COL13A1: variants seen among roughly 807,000 people sequenced by gnomAD.
COL13A1 encodes the protein collagen alpha-1(XIII) chain.
Under a neutral mutation model 130.9 loss-of-function variants are expected in COL13A1, and 89 were observed. That is an observed-to-expected ratio of 0.68 (90% CI 0.57 to 0.81). The LOEUF (loss-of-function observed/expected upper bound fraction) is 0.81. COL13A1 is among the 30% of genes least tolerant of loss of function. COL13A1 has a pLI of 0.00. For synonymous variants in COL13A1, 402 were observed against 341.6 expected, an observed-to-expected ratio of 1.18 and a Z score of -1.95; for missense variants, 879 against 934.6, an observed-to-expected ratio of 0.94 and a Z score of 0.78.
chr10:69,826,871 C>A (rs1589273093), intron 2 of COL13A1, among the ~76,000 whole-genome samples: 1 of 152,064 alleles, frequency 6.6e-6, no homozygotes, highest in African/African-American at 2.4e-5. Flanking sequence ...ATGACCAACA[C>A]AAAAGGGGAA....
intron 10 of COL13A1, among the ~76,000 whole-genome samples, chr10:69,890,554 C>T (rs1006304136): frequency 3.9e-5 from 6 of 152,232 alleles, no homozygotes; most frequent in Admixed American, 6.5e-5. Context: ...TTGCTCCAAG[C>T]GCTGGTGTGA....
chr10:69,858,924 C>T (rs1857211098), intron 2 of COL13A1, among the ~76,000 whole-genome samples: 1 of 152,222 alleles, frequency 6.6e-6, no homozygotes, highest in Non-Finnish European at 1.5e-5. Context: ...CTTCTCTGCA[C>T]AGCCACAAGA....
chr10:69,868,421 C>T (rs1003964730), intron 3 of COL13A1, among the ~76,000 whole-genome samples: 4 of 152,158 alleles, frequency 2.6e-5, no homozygotes, highest in Non-Finnish European at 4.4e-5. Flanking sequence ...GCTAGGAAGC[C>T]CAGGGTGGGG....
At chr10:69,852,136 T>G (rs1855039435) in intron 2 of COL13A1, among the ~76,000 whole-genome samples, 2 of 152,164 alleles carry the variant, frequency 1.3e-5, no homozygotes, top group South Asian at 4.1e-4. Context: ...AGGTTTCGAC[T>G]CCAACACCAC....
chr10:69,810,912 C>T (rs1235503139), intron 1 of COL13A1, among the ~76,000 whole-genome samples: 1 of 152,220 alleles, frequency 6.6e-6, no homozygotes, highest in South Asian at 2.1e-4. Flanking sequence ...GGGGTGCTCT[C>T]CTGGTCCTTC....
chr10:69,889,565 C>T, intron 10 of COL13A1, 125 bp downstream of exon 10: 3 of 1,243,146 alleles, frequency 2.4e-6, no homozygotes. Flanking sequence ...GCTGGTCACT[C>T]CCCAGCTGTG....
At chr10:69,819,423 G>A (rs1266719672) in intron 1 of COL13A1, among the ~76,000 whole-genome samples, 5 of 152,166 alleles carry the variant, frequency 3.3e-5, no homozygotes, top group Non-Finnish European at 5.9e-5. Flanking sequence ...GGGGAGTGAG[G>A]GAAGCAGTTG....
chr10:69,884,318 G>A (rs1468722449), intron 7 of COL13A1, among the ~76,000 whole-genome samples: 1 of 152,156 alleles, frequency 6.6e-6, no homozygotes, highest in Non-Finnish European at 1.5e-5. Context: ...ACATTGGCAG[G>A]TGCTCTATGA....
intron 2 of COL13A1, among the ~76,000 whole-genome samples, chr10:69,826,037 A>T (rs1345108922): frequency 2.6e-5 from 4 of 152,154 alleles, no homozygotes; most frequent in Admixed American, 2.6e-4. Context: ...GCCTGGTGGG[A>T]TAGGAGAATG....
rs1406678739 is a variant in COL13A1, at chr10:69,888,475, G to A, written c.576+145G>A. 2.3e-5 allele frequency: 28 copies of A among 1,192,282 alleles called. 1 individual carries two copies. Among genetic ancestry groups the A allele is most frequent in the South Asian group, 4.4e-5 (3 of 68,758 alleles). The allele number at this position is 1,192,282 out of a possible 1,614,324, so 73.9% of individuals were successfully genotyped here. On this transcript the variant is annotated intron_variant, in intron 9 of 40. Coordinates refer to ENST00000645393, the MANE Select transcript of COL13A1 (RefSeq NM_001368882.1). Reference sequence around the variant, plus strand: ...AGGTTGTCACTAGTGGGAAGTGGAGGGGGCCATTTGAGTCACCCCTGACCC... The same window carrying A: ...AGGTTGTCACTAGTGGGAAGTGGAGAGGGCCATTTGAGTCACCCCTGACCC...
intron 38 of COL13A1, among the ~76,000 whole-genome samples, chr10:69,949,419 G>A (rs1027293219): frequency 3.3e-5 from 5 of 152,182 alleles, no homozygotes; most frequent in African/African-American, 1.2e-4. Flanking sequence ...CTGACCTCAA[G>A]TGATCCTCCT....
At chr10:69,876,532 G>C (rs759991210) in intron 5 of COL13A1, among the ~76,000 whole-genome samples, 26 of 152,196 alleles carry the variant, frequency 1.7e-4, no homozygotes, top group Non-Finnish European at 3.5e-4. Context: ...CCCACGAGAA[G>C]CTCTCCCACC....
At chr10:69,863,623 A>G (rs886434522) in intron 2 of COL13A1, among the ~76,000 whole-genome samples, 1 of 152,146 alleles carries the variant, frequency 6.6e-6, no homozygotes, top group Non-Finnish European at 1.5e-5. Context: ...TCCAGGGTCG[A>G]GGGGGAGGGG....
At chr10:69,860,948 G>A (rs539884787) in intron 2 of COL13A1, among the ~76,000 whole-genome samples, 6 of 152,312 alleles carry the variant, frequency 3.9e-5, no homozygotes, top group South Asian at 2.1e-4. Flanking sequence ...GGACTGCATC[G>A]GGAAGGAGAG....
chr10:69,935,776 G>A (rs1227210124), intron 32 of COL13A1, among the ~76,000 whole-genome samples: 1 of 152,138 alleles, frequency 6.6e-6, no homozygotes, highest in African/African-American at 2.4e-5. Context: ...CTGGGAGGCT[G>A]AGGCAGGTGG....
chr10:69,910,103 C>A (rs776291239), intron 17 of COL13A1, among the ~76,000 whole-genome samples: 42 of 152,168 alleles, frequency 2.8e-4, no homozygotes, highest in Admixed American at 1.3e-3. Flanking sequence ...CTAATGGTTT[C>A]TTTGGGATGT....
rs145788116 is a variant in COL13A1, at chr10:69,881,402, C to T, written c.513+849C>T. On this transcript the variant is annotated intron_variant, in intron 7 of 40. Coordinates refer to ENST00000645393, the MANE Select transcript of COL13A1 (RefSeq NM_001368882.1). Reference sequence around the variant, plus strand: ...TCCACCTTCTGCACTTTTCCTGACCCGCCGTGCTCAGTGAGGGGTGGGAGC... The same window carrying T: ...TCCACCTTCTGCACTTTTCCTGACCTGCCGTGCTCAGTGAGGGGTGGGAGC... 2.8e-3 allele frequency among the ~76,000 whole-genome samples: 419 copies of T among 152,254 alleles called. 3 individuals are homozygous for T. Among genetic ancestry groups the T allele is most frequent in the Admixed American group, 5.9e-3 (90 of 15,302 alleles).
intron 17 of COL13A1, among the ~76,000 whole-genome samples, chr10:69,911,501 G>A (rs1397945327): frequency 2.0e-5 from 3 of 152,214 alleles, no homozygotes; most frequent in Non-Finnish European, 4.4e-5. Flanking sequence ...AGCCAGGTCT[G>A]TGTGATCCCA....
At chr10:69,891,576 T>G (rs1157940187) in intron 10 of COL13A1, among the ~76,000 whole-genome samples, 2 of 152,136 alleles carry the variant, frequency 1.3e-5, no homozygotes, top group Non-Finnish European at 2.9e-5. Context: ...CCCCCGCCCC[T>G]ACCCCATTCC....
Sources: allele counts gnomAD v4.1 joint callset (sites outside exome capture counted in the v4.1 genomes callset), GRCh38; gene constraint gnomAD v4.1.1; transcripts MANE v1.5; gene names NCBI Gene and HGNC (gene_info 2026-07-23, HGNC 2026-07-21).